The following ZNG1E variants were observed in gnomAD, a reference collection of about 807,000 sequenced individuals.
ZNG1E encodes the protein Zn regulated GTPase metalloprotein activator 1E, also known as zinc-regulated GTPase metalloprotein activator 1E.
chr9:65,678,014 C>T, the ZNG1E span, among the ~76,000 whole-genome samples: 2 of 149,822 alleles, frequency 1.3e-5, no homozygotes, highest in African/African-American at 4.9e-5. Context: ...CAGAGACTAT[C>T]TTGTTCACTT....
chr9:65,661,104 A>T, the ZNG1E span, among the ~76,000 whole-genome samples: 4 of 148,422 alleles, frequency 2.7e-5, no homozygotes, highest in Admixed American at 6.8e-5. Flanking sequence ...TACGTTTTTT[A>T]AAAATAAAAT....
At chr9:65,660,418 C>A in the ZNG1E span, among the ~76,000 whole-genome samples, 80 of 151,746 alleles carry the variant, frequency 5.3e-4, no homozygotes, top group Non-Finnish European at 6.8e-4. Context: ...AAAAAAGAAT[C>A]AGAGGATACT....
At chr9:65,666,344 C>A in the ZNG1E span, among the ~76,000 whole-genome samples, 1 of 148,138 alleles carries the variant, frequency 6.8e-6, no homozygotes, top group Non-Finnish European at 1.5e-5. Context: ...AGTTTCCCTG[C>A]ACAAGCTCTC....
the ZNG1E span, among the ~76,000 whole-genome samples, chr9:65,687,962 T>G: frequency 2.3e-5 from 3 of 132,094 alleles, no homozygotes; most frequent in Non-Finnish European, 3.3e-5. Flanking sequence ...CATGAATACT[T>G]TTTTTTTGGT....
the ZNG1E span, among the ~76,000 whole-genome samples, chr9:65,663,256 G>A: frequency 6.6e-6 from 1 of 152,194 alleles, no homozygotes; most frequent in South Asian, 2.1e-4. Flanking sequence ...TTTAAAGAAT[G>A]TAGTGACCAT....
At chr9:65,663,981 C>CAT in the ZNG1E span, among the ~76,000 whole-genome samples, 47 of 148,518 alleles carry the variant, frequency 3.2e-4, no homozygotes, top group Admixed American at 6.9e-4. Context: ...ATATGTATAG[C>CAT]ATATATATAT....
At chr9:65,685,043 T>TAAAA in the ZNG1E span, among the ~76,000 whole-genome samples, 565 of 107,724 alleles carry the variant, frequency 5.2e-3, 3 homozygotes, top group African/African-American at 0.019. Flanking sequence ...CCCCATTTCT[T>TAAAA]AAAAAAAAAA....
the ZNG1E span, chr9:65,676,973 G>A: frequency 1.2e-5 from 3 of 256,482 alleles, no homozygotes; most frequent in Non-Finnish European, 1.7e-5. Context: ...GTGTGCTAGA[G>A]ACAGGTACAG....
the ZNG1E span, among the ~76,000 whole-genome samples, chr9:65,654,920 C>A: frequency 6.6e-6 from 1 of 151,386 alleles, no homozygotes; most frequent in Non-Finnish European, 1.5e-5. Context: ...TCCTTAGGAG[C>A]CTAGTGTAGT....
At chr9:65,680,464 AATTTT>A in the ZNG1E span, among the ~76,000 whole-genome samples, 2 of 151,912 alleles carry the variant, frequency 1.3e-5, no homozygotes, top group African/African-American at 4.8e-5. Flanking sequence ...TCATTTTCAC[AATTTT>A]ATTTTTCACA....
chr9:65,714,580 G>C, the ZNG1E span, among the ~76,000 whole-genome samples: 1 of 152,026 alleles, frequency 6.6e-6, no homozygotes, highest in Non-Finnish European at 1.5e-5. Flanking sequence ...TGTCCTTTCT[G>C]TTTGTTAGTT....
At chr9:65,672,652 G>A in the ZNG1E span, among the ~76,000 whole-genome samples, 1 of 150,874 alleles carries the variant, frequency 6.6e-6, no homozygotes, top group Non-Finnish European at 1.5e-5. Context: ...GCTGAGGCAG[G>A]AGAATCGCTT....
chr9:65,720,886 A>T, the ZNG1E span, among the ~76,000 whole-genome samples: 1 of 148,606 alleles, frequency 6.7e-6, no homozygotes, highest in African/African-American at 2.5e-5. Context: ...TCCCTGTGAA[A>T]CTTTTGTTAA....
At chr9:65,714,555 G>C in the ZNG1E span, among the ~76,000 whole-genome samples, 1 of 151,878 alleles carries the variant, frequency 6.6e-6, no homozygotes, top group Non-Finnish European at 1.5e-5. Flanking sequence ...TGTACAGATG[G>C]GTTTTTGGTG....
At chr9:65,721,253 A>G in the ZNG1E span, among the ~76,000 whole-genome samples, 1 of 136,032 alleles carries the variant, frequency 7.4e-6, no homozygotes, top group Non-Finnish European at 1.5e-5. Flanking sequence ...TAAATATAAA[A>G]TCTTTATTGC....
the ZNG1E span, among the ~76,000 whole-genome samples, chr9:65,695,350 CT>C: frequency 1.1e-5 from 1 of 87,540 alleles, no homozygotes; most frequent in Non-Finnish European, 2.5e-5. Flanking sequence ...TTCTTTCTTT[CT>C]CTTTTTTCGG....
the ZNG1E span, among the ~76,000 whole-genome samples, chr9:65,661,422 A>G: frequency 2.0e-4 from 30 of 151,854 alleles, no homozygotes; most frequent in East Asian, 5.3e-3. Flanking sequence ...TATGCTTTTG[A>G]CTTTATAAAT....
At chr9:65,710,553 G>A in the ZNG1E span, among the ~76,000 whole-genome samples, 601 of 151,956 alleles carry the variant, frequency 4.0e-3, 1 homozygote, top group African/African-American at 0.013. Context: ...GAAGGGATCC[G>A]GTTTCAGCTT....
At chr9:65,720,989 A>C in the ZNG1E span, among the ~76,000 whole-genome samples, 8 of 149,708 alleles carry the variant, frequency 5.3e-5, no homozygotes, top group Admixed American at 2.0e-4. Flanking sequence ...AAAAAAAAAA[A>C]CCCAGTTCTT....
Sources: allele counts gnomAD v4.1 joint callset (sites outside exome capture counted in the v4.1 genomes callset), GRCh38; gene constraint gnomAD v4.1.1; transcripts MANE v1.5; gene names NCBI Gene and HGNC (gene_info 2026-07-23, HGNC 2026-07-21).